DDX10: variants seen among roughly 807,000 people sequenced by gnomAD.
DDX10 encodes the protein DEAD-box helicase 10.
DDX10 carries 74 observed loss-of-function variants against 104.3 expected under a neutral mutation model. That is an observed-to-expected ratio of 0.71 (90% CI 0.59 to 0.86). The LOEUF (loss-of-function observed/expected upper bound fraction) is 0.86. Among genes scored for constraint, DDX10 ranks in the 40% least tolerant of loss-of-function variants. DDX10 has a pLI of 0.00. For missense variants in DDX10, 952 were observed against 1,040.0 expected, an observed-to-expected ratio of 0.92 and a Z score of 1.16; for synonymous variants, 351 against 353.4, an observed-to-expected ratio of 0.99 and a Z score of 0.08.
intron 16 of DDX10, among the ~76,000 whole-genome samples, chr11:108,858,937 G>A (rs1324235949): frequency 2.6e-5 from 4 of 152,200 alleles, no homozygotes; most frequent in African/African-American, 7.2e-5. Context: ...TTCATTCTGT[G>A]ATGCAGTTCC....
chr11:108,801,953 G>T (rs1054101413), intron 13 of DDX10, among the ~76,000 whole-genome samples: 3 of 151,370 alleles, frequency 2.0e-5, no homozygotes, highest in Admixed American at 1.3e-4. Flanking sequence ...AAGCCTATTT[G>T]TAATTTTTTT....
intron 17 of DDX10, among the ~76,000 whole-genome samples, chr11:108,936,120 G>A (rs542782763): frequency 3.9e-5 from 6 of 152,102 alleles, no homozygotes; most frequent in Non-Finnish European, 7.4e-5. Context: ...CCATACATCT[G>A]TAGACACAGG....
chr11:108,766,970 C>T (rs540576501), intron 13 of DDX10, among the ~76,000 whole-genome samples: 6 of 152,258 alleles, frequency 3.9e-5, no homozygotes, highest in South Asian at 2.1e-4. Flanking sequence ...CCTTTTATTA[C>T]GTAATAGATG....
intron 13 of DDX10, among the ~76,000 whole-genome samples, chr11:108,775,675 C>T (rs1346944750): frequency 2.0e-5 from 3 of 152,160 alleles, no homozygotes; most frequent in Non-Finnish European, 2.9e-5. Context: ...TACTTATTCT[C>T]TATTTTTGTT....
At chr11:108,874,431 C>A (rs1205573818) in intron 16 of DDX10, among the ~76,000 whole-genome samples, 3 of 152,172 alleles carry the variant, frequency 2.0e-5, no homozygotes, top group Admixed American at 1.3e-4. Context: ...GCTCATAATT[C>A]TGTTGATTAC....
chr11:108,734,351 T>C (rs180827904), intron 13 of DDX10, among the ~76,000 whole-genome samples: 1 of 152,334 alleles, frequency 6.6e-6, no homozygotes, highest in Non-Finnish European at 1.5e-5. Context: ...TATAGGTGTC[T>C]TTTCTGTTTT....
chr11:108,845,150 G>T (rs1037458055), intron 15 of DDX10, among the ~76,000 whole-genome samples: 2 of 152,182 alleles, frequency 1.3e-5, no homozygotes, highest in African/African-American at 4.8e-5. Context: ...GGAGCTTGCA[G>T]TGAGCCGAGA....
chr11:108,776,996 T>A (rs969265799), intron 13 of DDX10, among the ~76,000 whole-genome samples: 3 of 152,230 alleles, frequency 2.0e-5, no homozygotes, highest in African/African-American at 7.2e-5. Context: ...AACTTGGCCA[T>A]GCTGTGCCAG....
intron 13 of DDX10, among the ~76,000 whole-genome samples, chr11:108,832,615 G>A (rs1270891834): frequency 2.0e-5 from 3 of 152,168 alleles, no homozygotes; most frequent in Non-Finnish European, 4.4e-5. Context: ...GAGGTACTCT[G>A]TTTCACCTAG....
At chr11:108,673,706 A>G (rs905032568) in intron 2 of DDX10, among the ~76,000 whole-genome samples, 179 bp downstream of exon 2, 4 of 152,230 alleles carry the variant, frequency 2.6e-5, no homozygotes, top group African/African-American at 7.2e-5. Flanking sequence ...TTCTTTCTGG[A>G]CTAATTAAAA....
chr11:108,694,844 G>A (rs890597889), intron 9 of DDX10, among the ~76,000 whole-genome samples: 2 of 152,178 alleles, frequency 1.3e-5, no homozygotes, highest in Non-Finnish European at 2.9e-5. Flanking sequence ...TCGCACCACT[G>A]CATTCCAGCC....
chr11:108,775,842 A>G (rs1337184767), intron 13 of DDX10, among the ~76,000 whole-genome samples: 1 of 152,150 alleles, frequency 6.6e-6, no homozygotes, highest in African/African-American at 2.4e-5. Context: ...CTTCTACGTG[A>G]CTATTATTTC....
intron 16 of DDX10, among the ~76,000 whole-genome samples, chr11:108,856,823 T>C (rs998269585): frequency 2.6e-5 from 4 of 152,098 alleles, no homozygotes; most frequent in Admixed American, 2.0e-4. Flanking sequence ...TTCAGTATTA[T>C]ATTGAGTGAC....
intron 13 of DDX10, among the ~76,000 whole-genome samples, chr11:108,811,414 T>C (rs1331861872): frequency 6.6e-6 from 1 of 152,210 alleles, no homozygotes. Flanking sequence ...TAAGGAAGGA[T>C]ACTCCAGGAA....
At position 108,887,964 on chromosome 11, in the gene DDX10, C is replaced by CCA. The variant is rs899738947; in HGVS notation, c.2305-29908_2305-29907insAC. 4.0e-5 allele frequency among the ~76,000 whole-genome samples: 6 copies of CCA among 151,214 alleles called. No individual in the cohort carries two copies. In the East Asian group the frequency reaches 9.7e-4, roughly 24 times the overall value. On this transcript the variant is annotated intron_variant, in intron 16 of 17. Coordinates refer to ENST00000322536, the MANE Select transcript of DDX10 (RefSeq NM_004398.4). ...GAAAAGAAATACAGCTTTTTTCCCC[C>CCA]CCACTTTCTAGTTACTAAATTGCCC...
At chr11:108,822,471 C>A in intron 13 of DDX10, 1 of 317,646 alleles carries the variant, frequency 3.1e-6, no homozygotes. Context: ...TATCCTTTCC[C>A]CAGGTGATGC....
intron 16 of DDX10, among the ~76,000 whole-genome samples, chr11:108,906,336 A>G (rs1863596352): frequency 6.6e-6 from 1 of 152,170 alleles, no homozygotes; most frequent in Admixed American, 6.5e-5. Flanking sequence ...TGCTTATGTT[A>G]GAATTTAGAG....
At chr11:108,778,418 A>G (rs571797513) in intron 13 of DDX10, among the ~76,000 whole-genome samples, 397 of 152,362 alleles carry the variant, frequency 2.6e-3, no homozygotes, top group African/African-American at 8.8e-3. Flanking sequence ...ATCTTTGACA[A>G]ACCTGACAAA....
At chr11:108,831,590 A>G (rs1284157648) in intron 13 of DDX10, among the ~76,000 whole-genome samples, 1 of 152,004 alleles carries the variant, frequency 6.6e-6, no homozygotes, top group Non-Finnish European at 1.5e-5. Context: ...AGTTGGCCCA[A>G]ATGGGAGCTA....
Sources: gnomAD v4.1 joint callset for allele counts (sites outside exome capture counted in the v4.1 genomes callset) on GRCh38, gnomAD v4.1.1 for gene constraint, MANE v1.5 for transcripts, NCBI Gene and HGNC (gene_info 2026-07-23, HGNC 2026-07-21) for gene names.